The following EPHA6 variants were observed in gnomAD, a reference collection of about 807,000 sequenced individuals.
The protein encoded by EPHA6 is EPH receptor A6.
Under a neutral mutation model 112.0 loss-of-function variants are expected in EPHA6, and 50 were observed. That is an observed-to-expected ratio of 0.45 (90% CI 0.36 to 0.56). EPHA6 has a LOEUF of 0.56. EPHA6 is among the 20% of genes least tolerant of loss of function. The pLI is 0.00. For synonymous variants in EPHA6, 529 were observed against 490.7 expected (o/e 1.08, Z -1.03); for missense variants, 1,280 against 1,417.4 (o/e 0.90, Z 1.56).
At chr3:97,525,924 G>T (rs141214408) in intron 10 of EPHA6, among the ~76,000 whole-genome samples, 1 of 152,154 alleles carries the variant, frequency 6.6e-6, no homozygotes, top group Non-Finnish European at 1.5e-5. Flanking sequence ...TATGGCTTCC[G>T]CTGGGTCACT....
At chr3:97,730,240 T>C (rs1046331127) in intron 15 of EPHA6, among the ~76,000 whole-genome samples, 2 of 152,094 alleles carry the variant, frequency 1.3e-5, no homozygotes, top group Admixed American at 6.6e-5. Context: ...GGAAAACTCA[T>C]CAGATTCAGC....
rs181654943 is a variant in EPHA6, at chr3:97,636,032, A to G, written c.2575-1841A>G. On this transcript the variant is annotated intron_variant, in intron 13 of 17. Transcript: ENST00000389672. ...ACAGTAATAACAAGGACTAACTATT[A>G]TTAAATTAAGTGAGGAGCTGTGCTG... Among the ~76,000 whole-genome samples the G allele has an allele frequency of 4.2e-3, 634 of 152,218 alleles. 2 individuals carry two copies. Among genetic ancestry groups the G allele is most frequent in the African/African-American group, 0.014 (587 of 41,556 alleles).
chr3:97,441,942 C>T (rs2090152179), intron 6 of EPHA6, among the ~76,000 whole-genome samples: 1 of 151,982 alleles, frequency 6.6e-6, no homozygotes, highest in Admixed American at 6.6e-5. Flanking sequence ...TATTAAAAAA[C>T]TGTTATTTTT....
intron 3 of EPHA6, among the ~76,000 whole-genome samples, chr3:97,169,231 A>T (rs548008490): frequency 6.6e-6 from 1 of 152,298 alleles, no homozygotes; most frequent in Non-Finnish European, 1.5e-5. Flanking sequence ...GTTGGATTAA[A>T]TGCACACATT....
Position 97,563,517 on chromosome 3 carries a change from G to A in EPHA6, c.2387-29095G>A, listed in dbSNP as rs577850564. Among the ~76,000 whole-genome samples the A allele has an allele frequency of 9.0e-4, 137 of 152,308 alleles. 1 individual carries two copies. Among genetic ancestry groups the A allele is most frequent in the African/African-American group, 2.5e-3 (104 of 41,586 alleles). On this transcript the variant is annotated intron_variant, in intron 11 of 17. Transcript: ENST00000389672. ...TAGGATGTAAAATTTTATCCCAGGG[G>A]TGATGGGAAATTTTTGAATGGAGAG...
At chr3:97,295,881 A>C (rs1377299506) in intron 5 of EPHA6, among the ~76,000 whole-genome samples, 1 of 152,160 alleles carries the variant, frequency 6.6e-6, no homozygotes, top group Admixed American at 6.5e-5. Flanking sequence ...TGGGGATATC[A>C]TTTGGGCCAA....
intron 14 of EPHA6, 86 bp downstream of exon 14, chr3:97,638,168 A>G (rs2093966504): frequency 2.1e-6 from 2 of 950,492 alleles, no homozygotes; most frequent in African/African-American, 3.4e-5. Context: ...CTGCCTTCCT[A>G]ATTTTCTGCT....
intron 3 of EPHA6, among the ~76,000 whole-genome samples, chr3:97,153,603 A>G (rs77991764): frequency 0.11 from 16,564 of 152,130 alleles, 1,154 homozygotes; most frequent in Non-Finnish European, 0.16. Context: ...ATAGAGCTCC[A>G]GGGACTAAAA....
intron 14 of EPHA6, among the ~76,000 whole-genome samples, chr3:97,649,219 C>A (rs576196228): frequency 1.3e-5 from 2 of 152,146 alleles, no homozygotes; most frequent in South Asian, 4.1e-4. Flanking sequence ...AGGAAAGTCA[C>A]GTCTTACATG....
chr3:97,338,500 G>A (rs146885775), intron 5 of EPHA6, among the ~76,000 whole-genome samples: 44 of 152,180 alleles, frequency 2.9e-4, no homozygotes, highest in African/African-American at 9.6e-4. Context: ...ACGTTCAGCT[G>A]TGGTCTTGCT....
At chr3:97,682,725 T>C (rs1216554993) in intron 14 of EPHA6, among the ~76,000 whole-genome samples, 2 of 152,202 alleles carry the variant, frequency 1.3e-5, no homozygotes, top group South Asian at 2.1e-4. Context: ...GTGCACAGTA[T>C]ATATGTCACA....
At chr3:97,404,370 G>A (rs1247010671) in intron 5 of EPHA6, among the ~76,000 whole-genome samples, 1 of 151,962 alleles carries the variant, frequency 6.6e-6, no homozygotes, top group Non-Finnish European at 1.5e-5. Context: ...GTATCAATGT[G>A]TTTTAATTTG....
intron 14 of EPHA6, among the ~76,000 whole-genome samples, chr3:97,668,808 G>A (rs528823027): frequency 6.7e-6 from 1 of 150,042 alleles, no homozygotes; most frequent in East Asian, 2.0e-4. Flanking sequence ...CAGCTCTCGG[G>A]AGGCTGAGGC....
chr3:97,338,651 T>C (rs2083166985), intron 5 of EPHA6, among the ~76,000 whole-genome samples: 1 of 152,164 alleles, frequency 6.6e-6, no homozygotes, highest in Admixed American at 6.5e-5. Context: ...AAACACACAT[T>C]ATATCACGTA....
At position 97,085,088 on chromosome 3, in the gene EPHA6, A is replaced by G. The variant is rs2046851091; in HGVS notation, c.1114+97095A>G. ...ACACATGATTGCTTCAAAATATTCT[A>G]CTTTGAAATTACATCAAATAACAAT... On this transcript the variant is annotated intron_variant, in intron 3 of 17. Coordinates refer to ENST00000389672, the MANE Select transcript of EPHA6 (RefSeq NM_001080448.3). 2.6e-5 allele frequency among the ~76,000 whole-genome samples: 4 copies of G among 152,152 alleles called. No homozygotes were observed. The South Asian group carries it at 6.2e-4, about 24-fold the overall frequency.
chr3:97,144,599 A>C (rs2075994065), intron 3 of EPHA6, among the ~76,000 whole-genome samples: 1 of 151,442 alleles, frequency 6.6e-6, no homozygotes, highest in Non-Finnish European at 1.5e-5. Flanking sequence ...ACCACTGTAA[A>C]TATTGTTCAC....
chr3:97,169,540 A>G (rs1343679426), intron 3 of EPHA6, among the ~76,000 whole-genome samples: 1 of 151,846 alleles, frequency 6.6e-6, no homozygotes, highest in Non-Finnish European at 1.5e-5. Flanking sequence ...TCCATTGTAA[A>G]CTTCTTTAGA....
At chr3:96,923,111 G>T (rs2039858035) in intron 2 of EPHA6, among the ~76,000 whole-genome samples, 1 of 152,134 alleles carries the variant, frequency 6.6e-6, no homozygotes, top group Admixed American at 6.5e-5. Context: ...ACGCATGCAT[G>T]TATCTTTATA....
At chr3:97,297,081 G>A (rs1207225295) in intron 5 of EPHA6, among the ~76,000 whole-genome samples, 4 of 152,142 alleles carry the variant, frequency 2.6e-5, no homozygotes. Flanking sequence ...TGGTCTCCAG[G>A]CAGGTCCCTA....
Sources: allele counts gnomAD v4.1 joint callset (sites outside exome capture counted in the v4.1 genomes callset), GRCh38; gene constraint gnomAD v4.1.1; transcripts MANE v1.5; gene names NCBI Gene and HGNC (gene_info 2026-07-23, HGNC 2026-07-21).